The following ESR1 variants were observed in gnomAD, a reference collection of about 807,000 sequenced individuals.
The protein encoded by ESR1 is estrogen receptor.
Under a neutral mutation model 52.7 loss-of-function variants are expected in ESR1, and 12 were observed. The observed-to-expected ratio is 0.23, with a 90% CI of 0.15 to 0.37. The LOEUF (loss-of-function observed/expected upper bound fraction) is 0.37. Among genes scored for constraint, ESR1 ranks in the 10% least tolerant of loss-of-function variants. The pLI, the probability that ESR1 is intolerant of heterozygous loss-of-function variation, is 1.00. For missense variants in ESR1, 584 were observed against 779.7 expected (o/e 0.75, Z 2.99); for synonymous variants, 305 against 316.8 (o/e 0.96, Z 0.39).
rs1251460059 is a variant in ESR1, at chr6:151,880,683, C to T, written c.672C>T (p.Thr224=). 1 of 1,611,710 alleles carries T rather than the reference C, an allele frequency of 6.2e-7. No individual in the cohort carries two copies. Among genetic ancestry groups the T allele is most frequent in the Non-Finnish European group, 8.5e-7 (1 of 1,177,780 alleles). ...QGHNDYMCPA[T]NQCTIDKNRR... Reference sequence around the variant, plus strand: ...ATAACGACTATATGTGTCCAGCCACCAACCAGTGCACCATTGATAAAAACA... The same window carrying T: ...ATAACGACTATATGTGTCCAGCCACTAACCAGTGCACCATTGATAAAAACA... The change falls in exon 3 of 8, where the codon ACC becomes ACT. Residue 224 remains threonine, a synonymous_variant. Coordinates refer to ENST00000206249, the MANE Select transcript of ESR1 (RefSeq NM_000125.4).
At chr6:152,107,811 C>T (rs975285036), downstream of ESR1, among the ~76,000 whole-genome samples, 1 of 152,162 alleles carries the variant, frequency 6.6e-6, no homozygotes, top group Non-Finnish European at 1.5e-5. Context: ...ATATATGAGA[C>T]TTGCCTCTAC....
intron 3 of ESR1, among the ~76,000 whole-genome samples, chr6:151,935,348 G>A (rs1270517357): frequency 1.3e-5 from 2 of 152,236 alleles, no homozygotes; most frequent in African/African-American, 4.8e-5. Flanking sequence ...TGGAAAACAG[G>A]TGGAAACCAA....
intron 4 of ESR1, among the ~76,000 whole-genome samples, chr6:151,959,533 G>A (rs2037408982): frequency 6.6e-6 from 1 of 152,066 alleles, no homozygotes; most frequent in Admixed American, 6.5e-5. Flanking sequence ...TGCCAACGCT[G>A]TGCAGTGGGA....
intron 2 of ESR1, among the ~76,000 whole-genome samples, chr6:151,770,120 G>T (rs1405320503): frequency 6.6e-6 from 1 of 152,090 alleles, no homozygotes; most frequent in East Asian, 1.9e-4. Flanking sequence ...GGCATGATAG[G>T]TGAGTTAAGA....
At chr6:151,710,230 C>T (rs1182525165) in intron 2 of ESR1, among the ~76,000 whole-genome samples, 2 of 150,770 alleles carry the variant, frequency 1.3e-5, no homozygotes, top group Non-Finnish European at 1.5e-5. Context: ...TTGATGCTCC[C>T]TACTCATTAA....
At chr6:152,047,576 A>T (rs1268908486) in intron 5 of ESR1, among the ~76,000 whole-genome samples, 1 of 152,144 alleles carries the variant, frequency 6.6e-6, no homozygotes, top group Non-Finnish European at 1.5e-5. Context: ...GGGTTAAGAA[A>T]TGTGAGTTTT....
chr6:151,817,798 A>G (rs1011462019), intron 1 of ESR1, among the ~76,000 whole-genome samples: 3 of 152,184 alleles, frequency 2.0e-5, no homozygotes, highest in African/African-American at 7.2e-5. Context: ...TTAAGCCCTC[A>G]TATCTTCCCT....
At chr6:151,973,113 A>T (rs2039081418) in intron 4 of ESR1, among the ~76,000 whole-genome samples, 2 of 152,140 alleles carry the variant, frequency 1.3e-5, no homozygotes, top group Non-Finnish European at 2.9e-5. Flanking sequence ...ATCCTCACAG[A>T]TACACCCAGG....
intron 2 of ESR1, among the ~76,000 whole-genome samples, chr6:151,711,302 A>G (rs867386406): frequency 2.6e-5 from 4 of 151,816 alleles, no homozygotes; most frequent in Middle Eastern, 3.4e-3. Flanking sequence ...GCTCACTGCA[A>G]GCTCCACCTC....
At chr6:151,855,081 T>G (rs1368929816) in intron 2 of ESR1, among the ~76,000 whole-genome samples, 2 of 152,240 alleles carry the variant, frequency 1.3e-5, no homozygotes, top group Admixed American at 1.3e-4. Context: ...ACCCAACTAA[T>G]TTTTGTATTT....
In ESR1 at chr6:151,959,567, G is replaced by A. The variant is rs374372853; in HGVS notation, c.1096+15059G>A. On this transcript the variant is annotated intron_variant, in intron 4 of 7. Transcript: ENST00000206249. ...GAGGCTCCTACCTCCACCAGCTTTT[G>A]AGGAGGTTGTAGTCCTGCAACCTTA... is the stretch of plus-strand genomic sequence containing the variant. 5.3e-4 allele frequency among the ~76,000 whole-genome samples: 81 copies of A among 152,286 alleles called. No individual in the cohort carries two copies. The East Asian group carries it at 0.011, about 21-fold the overall frequency.
At chr6:152,036,836 A>C (rs1259398908) in intron 5 of ESR1, among the ~76,000 whole-genome samples, 1 of 152,232 alleles carries the variant, frequency 6.6e-6, no homozygotes, top group African/African-American at 2.4e-5. Flanking sequence ...AGCTTTCTGC[A>C]GACTGGAGCT....
intron 3 of ESR1, among the ~76,000 whole-genome samples, chr6:151,922,538 G>T (rs2031905516): frequency 6.6e-6 from 1 of 152,020 alleles, no homozygotes; most frequent in Non-Finnish European, 1.5e-5. Flanking sequence ...TTCCAGCTTT[G>T]GCCATTTGGA....
At chr6:152,046,976 C>A (rs2046278305) in intron 5 of ESR1, among the ~76,000 whole-genome samples, 1 of 152,186 alleles carries the variant, frequency 6.6e-6, no homozygotes, top group Admixed American at 6.5e-5. Flanking sequence ...TTGGAACCAA[C>A]CACGAAAATA....
intron 4 of ESR1, among the ~76,000 whole-genome samples, chr6:151,979,271 T>C (rs1464498531): frequency 2.0e-5 from 3 of 152,176 alleles, no homozygotes; most frequent in Non-Finnish European, 4.4e-5. Context: ...TTCCAGCCGA[T>C]AGCAATTATA....
intron 2 of ESR1, among the ~76,000 whole-genome samples, chr6:151,788,137 A>G (rs775291543): frequency 8.2e-4 from 125 of 152,216 alleles, no homozygotes; most frequent in Non-Finnish European, 1.3e-3. Context: ...AAGAGCTTCT[A>G]TATAACAAAT....
intron 3 of ESR1, among the ~76,000 whole-genome samples, chr6:151,896,742 T>G (rs1448216800): frequency 1.1e-4 from 16 of 152,162 alleles, no homozygotes; most frequent in Admixed American, 1.0e-3. Context: ...TCGTTTGTTT[T>G]TATTTCTGTA....
At chr6:152,054,140 A>G (rs1051105061) in intron 5 of ESR1, among the ~76,000 whole-genome samples, 47 of 152,088 alleles carry the variant, frequency 3.1e-4, no homozygotes, top group African/African-American at 1.1e-3. Flanking sequence ...TCAGACCCAC[A>G]TTTTCAATTT....
intron 3 of ESR1, among the ~76,000 whole-genome samples, chr6:151,902,042 A>G (rs368785870): frequency 6.6e-6 from 1 of 152,202 alleles, no homozygotes; most frequent in Non-Finnish European, 1.5e-5. Context: ...TACATAACAA[A>G]TGCCAAGCCA....
Sources: allele counts gnomAD v4.1 joint callset (sites outside exome capture counted in the v4.1 genomes callset), GRCh38; gene constraint gnomAD v4.1.1; transcripts MANE v1.5; gene names NCBI Gene and HGNC (gene_info 2026-07-23, HGNC 2026-07-21).